ANKRD22: variants seen among roughly 807,000 people sequenced by gnomAD.
ANKRD22 encodes the protein ankyrin repeat domain-containing protein 22.
In ANKRD22, 24 loss-of-function variants were observed where a neutral mutation model predicts 25.7. The observed-to-expected ratio is 0.93, with a 90% CI of 0.68 to 1.31. ANKRD22 has a LOEUF of 1.31. ANKRD22 is among the 50% of genes most tolerant of loss of function. The pLI is 0.00. For missense variants in ANKRD22, 214 were observed against 227.1 expected (o/e 0.94, Z 0.37); for synonymous variants, 84 against 84.3 (o/e 1.00, Z 0.02).
intron 3 of ANKRD22, 97 bp from the exon 4 acceptor site, chr10:88,826,212 A>T: frequency 9.8e-7 from 1 of 1,016,448 alleles, no homozygotes; most frequent in Non-Finnish European, 1.5e-6. Flanking sequence ...TTTTAATCCC[A>T]ACACTCCTAT....
intron 1 of ANKRD22, among the ~76,000 whole-genome samples, chr10:88,840,248 T>C (rs998476415): frequency 2.0e-5 from 3 of 152,192 alleles, no homozygotes; most frequent in African/African-American, 7.2e-5. Context: ...CGTCCATGGG[T>C]AGAATATGAC....
intron 1 of ANKRD22, among the ~76,000 whole-genome samples, chr10:88,836,076 C>T (rs1360397970): frequency 6.6e-6 from 1 of 152,226 alleles, no homozygotes; most frequent in Non-Finnish European, 1.5e-5. Context: ...AGTACTGCTT[C>T]AGATCTTCAT....
intron 3 of ANKRD22, among the ~76,000 whole-genome samples, chr10:88,827,550 T>C (rs1843866510): frequency 6.6e-6 from 1 of 152,252 alleles, no homozygotes; most frequent in Non-Finnish European, 1.5e-5. Context: ...AAATGCTATG[T>C]GCTAAATACA....
At chr10:88,834,470 G>A (rs1008232176) in intron 1 of ANKRD22, among the ~76,000 whole-genome samples, 11 of 152,172 alleles carry the variant, frequency 7.2e-5, no homozygotes, top group African/African-American at 2.7e-4. Flanking sequence ...GTGATTAGCA[G>A]TGAGCACTAC....
intron 4 of ANKRD22, among the ~76,000 whole-genome samples, chr10:88,823,685 G>A (rs1843823818): frequency 6.6e-6 from 1 of 151,954 alleles, no homozygotes; most frequent in Non-Finnish European, 1.5e-5. Flanking sequence ...AAAATTAGCC[G>A]GGCGCGGTGG....
intron 1 of ANKRD22, among the ~76,000 whole-genome samples, chr10:88,845,981 T>A (rs993814230): frequency 2.6e-5 from 4 of 152,178 alleles, no homozygotes; most frequent in African/African-American, 4.8e-5. Context: ...ATTGCTATTA[T>A]CACAATCATC....
At chr10:88,837,353 TC>T (rs1338415337) in intron 1 of ANKRD22, among the ~76,000 whole-genome samples, 1 of 152,204 alleles carries the variant, frequency 6.6e-6, no homozygotes, top group Non-Finnish European at 1.5e-5. Context: ...TGTTAGCTAC[TC>T]TTATAATTAT....
intron 5 of ANKRD22, 50 bp from the exon 6 acceptor site, chr10:88,823,068 C>T (rs1290458534): frequency 6.4e-7 from 1 of 1,558,332 alleles, no homozygotes; most frequent in Admixed American, 1.7e-5. Flanking sequence ...CCCAAGATCT[C>T]GTACGTAGCT....
intron 1 of ANKRD22, among the ~76,000 whole-genome samples, chr10:88,833,166 C>G (rs754360370): frequency 1.3e-5 from 2 of 152,096 alleles, no homozygotes; most frequent in African/African-American, 2.4e-5. Context: ...GCCGTAAACC[C>G]CATTTTATTT....
intron 4 of ANKRD22, 37 bp from the exon 5 acceptor site, chr10:88,823,415 C>G (rs1564601672): frequency 1.3e-6 from 2 of 1,504,466 alleles, no homozygotes; most frequent in African/African-American, 1.4e-5. Flanking sequence ...GCTCATAAGT[C>G]GGGCCCTCCA....
intron 1 of ANKRD22, among the ~76,000 whole-genome samples, chr10:88,846,351 G>A (rs958075922): frequency 5.9e-5 from 9 of 152,092 alleles, no homozygotes; most frequent in East Asian, 3.8e-4. Context: ...TACTGTTTAC[G>A]AAAATGTTTT....
chr10:88,847,952 G>A (rs1307875395), intron 1 of ANKRD22, among the ~76,000 whole-genome samples: 1 of 151,804 alleles, frequency 6.6e-6, no homozygotes, highest in African/African-American at 2.4e-5. Flanking sequence ...TATCACAGCC[G>A]AAAGGGGCTG....
chr10:88,822,755 G>A lies in ANKRD22; in HGVS notation c.*186C>T. 1.7e-6 allele frequency: 1 copy of A among 584,500 alleles called. No homozygotes were observed. 36.2% of individuals were successfully genotyped at this position (584,500 alleles called of 1,614,324 possible). A position where few individuals can be genotyped will look rare whatever the true frequency, so the allele number is the denominator to read the frequency against. On this transcript the variant is annotated 3_prime_UTR_variant, in exon 6 of 6. Transcript: ENST00000371930. ...TTCCCTTAGAAGGATTACGGCCATG[G>A]TGAACTTGACTGAGTAAACAATGCT...
At chr10:88,844,687 C>A (rs944859577) in intron 1 of ANKRD22, among the ~76,000 whole-genome samples, 1 of 136,856 alleles carries the variant, frequency 7.3e-6, no homozygotes, top group African/African-American at 3.0e-5. Context: ...CTTATCTCAT[C>A]TCAGATAATC....
chr10:88,825,592 G>A (rs181480161), intron 4 of ANKRD22, among the ~76,000 whole-genome samples: 96 of 152,314 alleles, frequency 6.3e-4, no homozygotes, highest in Non-Finnish European at 1.2e-3. Flanking sequence ...TGCTTTACAT[G>A]AACAAGCCCA....
intron 1 of ANKRD22, among the ~76,000 whole-genome samples, chr10:88,837,215 C>T (rs2133077023): frequency 6.6e-6 from 1 of 152,338 alleles, no homozygotes; most frequent in South Asian, 2.1e-4. Context: ...GTTACCTAGA[C>T]TCTTCATGCT....
At chr10:88,824,835 C>T (rs1226595639) in intron 4 of ANKRD22, among the ~76,000 whole-genome samples, 3 of 152,166 alleles carry the variant, frequency 2.0e-5, no homozygotes, top group Non-Finnish European at 2.9e-5. Context: ...CTTCAACAAA[C>T]TTTTAACTTC....
rs1182907623 is a variant in ANKRD22 at position 88,822,524 on chromosome 10, CTG to C, written c.*415_*416del. ...CTCAGATCCTCTTCTTCAGGAAAGACTGAGTTTGGAACACCAGGGCTTTTTTT... is the reference window on the plus strand; with the variant it reads ...CTCAGATCCTCTTCTTCAGGAAAGACAGTTTGGAACACCAGGGCTTTTTTT... On this transcript the variant is annotated 3_prime_UTR_variant, in exon 6 of 6. Transcript: ENST00000371930. 1.4e-5 allele frequency: 1 copy of C among 73,052 alleles called. No homozygotes were observed. Among genetic ancestry groups the C allele is most frequent in the Non-Finnish European group, 3.2e-5 (1 of 31,062 alleles). The allele number at this position is 73,052 out of a possible 1,614,324, so 4.5% of individuals were successfully genotyped here.
chr10:88,834,666 G>A (rs79521827), intron 1 of ANKRD22, among the ~76,000 whole-genome samples: 3,395 of 152,322 alleles, frequency 0.022, 57 homozygotes, highest in Non-Finnish European at 0.036. Flanking sequence ...TGGGCGCGAT[G>A]GCTTACGCCT....
Sources: allele counts gnomAD v4.1 joint callset (sites outside exome capture counted in the v4.1 genomes callset), GRCh38; gene constraint gnomAD v4.1.1; transcripts MANE v1.5; gene names NCBI Gene and HGNC (gene_info 2026-07-23, HGNC 2026-07-21).